TIMP2: variants seen among roughly 807,000 people sequenced by gnomAD.
TIMP2 encodes metalloproteinase inhibitor 2.
Under a neutral mutation model 24.3 loss-of-function variants are expected in TIMP2, and 5 were observed. The ratio of observed to expected loss-of-function variants is 0.21; its 90% confidence interval spans 0.11 to 0.43. The LOEUF (loss-of-function observed/expected upper bound fraction) is 0.43. Ranked by LOEUF, TIMP2 falls within the 20% of genes least tolerant of loss-of-function variation. The probability of loss-of-function intolerance (pLI) is 1.00; values close to 1 mark genes in which losing one functional copy is unlikely to be tolerated. For synonymous variants in TIMP2, 130 were observed against 123.2 expected, an observed-to-expected ratio of 1.06 and a Z score of -0.37; for missense variants, 221 against 297.5, an observed-to-expected ratio of 0.74 and a Z score of 1.89.
intron 3 of TIMP2, among the ~76,000 whole-genome samples, chr17:78,869,342 G>T (rs1188259699): frequency 2.6e-5 from 4 of 151,260 alleles, no homozygotes; most frequent in African/African-American, 4.9e-5. Context: ...AGGATCACTT[G>T]ACCCCAGGAG....
chr17:78,900,961 G>A (rs4789865), intron 1 of TIMP2: 86,298 of 152,266 alleles, frequency 0.57, 25,139 homozygotes, highest in African/African-American at 0.7. Context: ...CAGCCAGCCC[G>A]ACCTCACCTG....
intron 1 of TIMP2, among the ~76,000 whole-genome samples, chr17:78,919,182 C>T (rs1029031423): frequency 3.9e-5 from 6 of 152,244 alleles, no homozygotes; most frequent in East Asian, 1.9e-4. Flanking sequence ...CGGAGTTAGG[C>T]GGCTGCCTTC....
chr17:78,898,042 CCT>C (rs1356731463), intron 1 of TIMP2: 4 of 152,222 alleles, frequency 2.6e-5, no homozygotes, highest in African/African-American at 9.7e-5. Flanking sequence ...CTTGATTTCC[CCT>C]CTGAGCTCAC....
chr17:78,895,006 T>A (rs1453660666), intron 1 of TIMP2, among the ~76,000 whole-genome samples: 1 of 151,998 alleles, frequency 6.6e-6, no homozygotes, highest in East Asian at 1.9e-4. Flanking sequence ...GAAGGACAGG[T>A]GTGGCAGCTC....
intron 1 of TIMP2, among the ~76,000 whole-genome samples, chr17:78,918,136 C>T (rs1481449573): frequency 1.3e-5 from 2 of 151,946 alleles, no homozygotes; most frequent in African/African-American, 4.8e-5. Flanking sequence ...TGACCACCCC[C>T]AAACCCGCCA....
Position 78,880,003 on chromosome 17 carries a change from C to T in TIMP2, c.131-6084G>A, listed in dbSNP as rs879845740. Among the ~76,000 whole-genome samples the T allele has an allele frequency of 3.9e-5, 6 of 152,048 alleles. No individual in the cohort carries two copies. The South Asian group carries it at 8.3e-4, about 21-fold the overall frequency. On this transcript the variant is annotated intron_variant, in intron 1 of 4. Coordinates refer to ENST00000262768, the MANE Select transcript of TIMP2 (RefSeq NM_003255.5). ...ACGGTCAGACTTCGACAGTCACAAC[C>T]GCCCCTGGAAAACCATCAGAGGCCG...
chr17:78,868,502 C>A (rs2069638653), intron 3 of TIMP2, among the ~76,000 whole-genome samples: 1 of 152,184 alleles, frequency 6.6e-6, no homozygotes, highest in South Asian at 2.1e-4. Flanking sequence ...CCGCCCGCCT[C>A]AGCCTCCTAC....
intron 3 of TIMP2, among the ~76,000 whole-genome samples, chr17:78,860,489 G>C (rs2069559184): frequency 6.6e-6 from 1 of 152,226 alleles, no homozygotes; most frequent in South Asian, 2.1e-4. Context: ...TGGATGGCTT[G>C]CCTGGGGCTC....
chr17:78,902,124 T>G (rs1324169851), intron 1 of TIMP2, among the ~76,000 whole-genome samples: 1 of 152,196 alleles, frequency 6.6e-6, no homozygotes, highest in Non-Finnish European at 1.5e-5. Flanking sequence ...GCCACTGCAC[T>G]GGGTTTTGGT....
In TIMP2 at chr17:78,918,065, A is replaced by AACACACACACACACAC. The variant is rs57256110; in HGVS notation, c.130+6878_130+6893dup. 3.3e-3 allele frequency among the ~76,000 whole-genome samples: 473 copies of AACACACACACACACAC among 144,864 alleles called. 2 individuals carry two copies. The highest frequency in any genetic ancestry group is 4.8e-3 in the Admixed American group (69 of 14,474). The stretch of plus-strand genomic sequence containing the variant: ...AAAAACACGTACGCGTGCACACACA[A>AACACACACACACACAC]ACACACACACACACACACACACACA... On this transcript the variant is annotated intron_variant, in intron 1 of 4. Transcript: ENST00000262768.
intron 1 of TIMP2, among the ~76,000 whole-genome samples, chr17:78,908,927 G>C (rs1052957304): frequency 6.6e-6 from 1 of 152,170 alleles, no homozygotes; most frequent in African/African-American, 2.4e-5. Flanking sequence ...GGGCAGGCTG[G>C]TCCTTGGCTT....
At chr17:78,865,740 C>T (rs1194268663) in intron 3 of TIMP2, among the ~76,000 whole-genome samples, 2 of 151,786 alleles carry the variant, frequency 1.3e-5, no homozygotes, top group African/African-American at 4.8e-5. Flanking sequence ...TGCAGTGACC[C>T]GAGATTGTGC....
intron 2 of TIMP2, 29 bp from the exon 3 acceptor site, chr17:78,871,035 G>A (rs1307851534): frequency 3.2e-6 from 5 of 1,578,488 alleles, no homozygotes; most frequent in African/African-American, 1.3e-5. Flanking sequence ...GGACATGTAA[G>A]CAGAGGGAGG....
intron 3 of TIMP2, among the ~76,000 whole-genome samples, chr17:78,861,090 T>C (rs1351095231): frequency 6.6e-6 from 1 of 151,438 alleles, no homozygotes; most frequent in Non-Finnish European, 1.5e-5. Context: ...GACCTATAGC[T>C]ATTTTCTGTG....
At chr17:78,918,604 C>A (rs550736265) in intron 1 of TIMP2, among the ~76,000 whole-genome samples, 2 of 152,214 alleles carry the variant, frequency 1.3e-5, no homozygotes, top group Admixed American at 6.5e-5. Flanking sequence ...TACTCCACCC[C>A]CCGACACTGA....
At chr17:78,886,019 G>C (rs1289585117) in intron 1 of TIMP2, among the ~76,000 whole-genome samples, 1 of 152,162 alleles carries the variant, frequency 6.6e-6, no homozygotes, top group Non-Finnish European at 1.5e-5. Flanking sequence ...CATGGTTTTG[G>C]GTGTGGACAT....
intron 1 of TIMP2, among the ~76,000 whole-genome samples, chr17:78,921,316 G>C (rs1165113719): frequency 6.6e-6 from 1 of 152,210 alleles, no homozygotes; most frequent in Non-Finnish European, 1.5e-5. Flanking sequence ...GGAGCTCCTC[G>C]GGGGATTTGC....
chr17:78,910,215 C>T (rs1196548218), intron 1 of TIMP2, among the ~76,000 whole-genome samples: 1 of 149,254 alleles, frequency 6.7e-6, no homozygotes, highest in Non-Finnish European at 1.5e-5. Context: ...TTTTGAGACA[C>T]GGAGTCTCGC....
intron 1 of TIMP2, among the ~76,000 whole-genome samples, chr17:78,913,400 T>A (rs1044580725): frequency 6.6e-6 from 1 of 152,042 alleles, no homozygotes; most frequent in African/African-American, 2.4e-5. Flanking sequence ...GGTATGTGAA[T>A]TACATCTCAA....
Sources: gnomAD v4.1 joint callset for allele counts (sites outside exome capture counted in the v4.1 genomes callset) on GRCh38, gnomAD v4.1.1 for gene constraint, MANE v1.5 for transcripts, NCBI Gene and HGNC (gene_info 2026-07-23, HGNC 2026-07-21) for gene names.